CPM: variants seen among roughly 807,000 people sequenced by gnomAD.
CPM encodes carboxypeptidase M, also known as renal carboxypeptidase.
In CPM, 35 loss-of-function variants were observed where a neutral mutation model predicts 46.4. That is an observed-to-expected ratio of 0.75 (90% CI 0.58 to 1.00). The LOEUF (loss-of-function observed/expected upper bound fraction) is 1.00, where lower values mean the gene tolerates loss of function less well. CPM is among the 50% of genes least tolerant of loss of function. The pLI is 0.00. For synonymous variants in CPM, 195 were observed against 195.3 expected (o/e 1.00, Z 0.01); for missense variants, 422 against 530.4 (o/e 0.80, Z 2.01).
At chr12:68,934,889 G>A (rs1345088678), upstream of CPM, among the ~76,000 whole-genome samples, 4 of 151,888 alleles carry the variant, frequency 2.6e-5, no homozygotes, top group Non-Finnish European at 5.9e-5. Flanking sequence ...TCCAAGAGTT[G>A]GAATTTTTTT....
intron 2 of CPM, chr12:68,913,867 A>C (rs1395702615): frequency 6.0e-6 from 4 of 668,906 alleles, no homozygotes; most frequent in Non-Finnish European, 5.7e-6. Context: ...GGGGAATTAC[A>C]TCAAGAGCCA....
At position 68,932,669 on chromosome 12, in the gene CPM, G is replaced by A. The variant is rs189344890; in HGVS notation, c.160+9C>T. ...GGGTTTGGCAAAGTGTTCACGAGACGGACCCTACCTTTCACAGATTTCCCA... is the reference window on the plus strand; with the variant it reads ...GGGTTTGGCAAAGTGTTCACGAGACAGACCCTACCTTTCACAGATTTCCCA... On this transcript the variant is annotated intron_variant, in intron 2 of 8. Coordinates refer to ENST00000551568, the MANE Select transcript of CPM (RefSeq NM_198320.5). The A allele has an allele frequency of 3.2e-4, 509 of 1,613,540 alleles. 3 individuals are homozygous for A. The highest frequency in any genetic ancestry group is 1.8e-3 in the Middle Eastern group (11 of 6,060).
At chr12:68,905,778 G>A (rs965468307) in intron 2 of CPM, among the ~76,000 whole-genome samples, 2 of 151,950 alleles carry the variant, frequency 1.3e-5, no homozygotes, top group Non-Finnish European at 1.5e-5. Context: ...TATTTAATAG[G>A]GACTTACAAA....
At chr12:68,949,827 C>T (rs1419141964) in intron 1 of CPM, among the ~76,000 whole-genome samples, 1 of 152,124 alleles carries the variant, frequency 6.6e-6, no homozygotes, top group Admixed American at 6.5e-5. Flanking sequence ...ATGATGGCAC[C>T]CAGACCTGGT....
chr12:68,953,152 C>T (rs570273637), intron 1 of CPM, among the ~76,000 whole-genome samples: 147 of 152,268 alleles, frequency 9.7e-4, no homozygotes, highest in African/African-American at 2.8e-3. Flanking sequence ...ATTGCTCCTA[C>T]GGAATACTTG....
At chr12:68,849,262 G>T (rs1191984007), downstream of CPM, 1 of 151,424 alleles carries the variant, frequency 6.6e-6, no homozygotes, top group African/African-American at 2.4e-5. Context: ...GCTAGTTTTT[G>T]TATTTTCAGT....
chr12:68,923,332 A>T (rs1301629240), intron 2 of CPM, among the ~76,000 whole-genome samples: 1 of 152,086 alleles, frequency 6.6e-6, no homozygotes, highest in East Asian at 1.9e-4. Context: ...AGGAATCAGG[A>T]CTAATGGCAG....
intron 3 of CPM, among the ~76,000 whole-genome samples, chr12:68,885,375 G>C (rs541248826): frequency 1.2e-4 from 18 of 152,314 alleles, no homozygotes; most frequent in Admixed American, 2.0e-4. Context: ...TCAGGAATTT[G>C]GGTAGCTATT....
intron 2 of CPM, among the ~76,000 whole-genome samples, chr12:68,888,862 A>G (rs1384619228): frequency 2.0e-5 from 3 of 152,224 alleles, no homozygotes; most frequent in Admixed American, 6.5e-5. Context: ...GGATCAGGAA[A>G]AGTTTTACAA....
intron 2 of CPM, among the ~76,000 whole-genome samples, chr12:68,931,032 T>C (rs1312990419): frequency 6.6e-6 from 1 of 152,222 alleles, no homozygotes; most frequent in African/African-American, 2.4e-5. Context: ...GAAGGCTGAA[T>C]ACGTATGCTG....
upstream of CPM, among the ~76,000 whole-genome samples, chr12:68,933,649 G>C (rs955345181): frequency 2.0e-5 from 3 of 152,172 alleles, no homozygotes; most frequent in Non-Finnish European, 2.9e-5. Context: ...GGGCTCCTGC[G>C]GGACGGGCGG....
At chr12:68,928,012 A>G (rs535919075) in intron 2 of CPM, among the ~76,000 whole-genome samples, 1 of 152,326 alleles carries the variant, frequency 6.6e-6, no homozygotes, top group East Asian at 1.9e-4. Flanking sequence ...CAGAATTGGA[A>G]AAAACTACTT....
At position 68,852,498 on chromosome 12, in the gene CPM, CTG is replaced by C. The variant is rs1884750025; in HGVS notation, c.*3937_*3938del. ...GGTCTCCATTTTACAGATAAAGAAA[CTG>C]AATGTGTGGCGGATTTGAATCCAGG... On this transcript the variant is annotated 3_prime_UTR_variant, in exon 9 of 9. Transcript: ENST00000551568. The C allele has an allele frequency of 6.6e-6, 1 of 151,970 alleles. No homozygotes were observed. The highest frequency in any genetic ancestry group is 1.5e-5 in the Non-Finnish European group (1 of 68,004). The allele number at this position is 151,970 out of a possible 1,614,324, so 9.4% of individuals were successfully genotyped here.
intron 2 of CPM, among the ~76,000 whole-genome samples, chr12:68,931,393 A>G (rs765486204): frequency 1.6e-4 from 24 of 152,230 alleles, no homozygotes; most frequent in Non-Finnish European, 3.1e-4. Flanking sequence ...TGATTTAAGG[A>G]CTAAGTTTTC....
chr12:68,845,870 C>A, intron 5 of CPM: 1 of 152,484 alleles, frequency 6.6e-6, no homozygotes, highest in Non-Finnish European at 1.5e-5. Context: ...CTCAAGCAAT[C>A]CTCCCACCTC....
chr12:68,927,276 T>A (rs1331462712), intron 2 of CPM, among the ~76,000 whole-genome samples: 1 of 151,470 alleles, frequency 6.6e-6, no homozygotes, highest in Non-Finnish European at 1.5e-5. Flanking sequence ...TGAGATGGTA[T>A]CTCATTGTGG....
chr12:68,910,326 A>G (rs2136291159), intron 2 of CPM, among the ~76,000 whole-genome samples: 1 of 152,338 alleles, frequency 6.6e-6, no homozygotes, highest in African/African-American at 2.4e-5. Context: ...TGAAAAAGCC[A>G]AGTTGCATAA....
At chr12:68,938,135 A>G (rs1018334134), upstream of CPM, among the ~76,000 whole-genome samples, 5 of 152,240 alleles carry the variant, frequency 3.3e-5, no homozygotes, top group African/African-American at 1.2e-4. Flanking sequence ...TGAGAACAGT[A>G]TAACTAGACT....
upstream of CPM, among the ~76,000 whole-genome samples, chr12:68,936,541 G>C (rs1017750750): frequency 1.1e-4 from 16 of 152,106 alleles, no homozygotes; most frequent in Non-Finnish European, 1.6e-4. Context: ...CCACCACCAC[G>C]CCTGGCTAAT....
Sources: gnomAD v4.1 joint callset for allele counts (sites outside exome capture counted in the v4.1 genomes callset) on GRCh38, gnomAD v4.1.1 for gene constraint, MANE v1.5 for transcripts, NCBI Gene and HGNC (gene_info 2026-07-23, HGNC 2026-07-21) for gene names.